The following PCDHGA3 variants were observed in gnomAD, a reference collection of about 807,000 sequenced individuals.
PCDHGA3 encodes the protein protocadherin gamma-A3.
Under a neutral mutation model 58.5 loss-of-function variants are expected in PCDHGA3, and 40 were observed. The observed-to-expected ratio is 0.68, with a 90% CI of 0.53 to 0.89. PCDHGA3 has a LOEUF of 0.89. Among genes scored for constraint, PCDHGA3 ranks in the 40% least tolerant of loss-of-function variants. PCDHGA3 has a pLI of 0.00. For missense variants in PCDHGA3, 1,223 were observed against 1,195.9 expected (o/e 1.02, Z -0.33); for synonymous variants, 530 against 525.7 (o/e 1.01, Z -0.11).
intron 1 of PCDHGA3, among the ~76,000 whole-genome samples, chr5:141,379,851 T>G (rs1388767497): frequency 6.7e-6 from 1 of 148,750 alleles, no homozygotes; most frequent in Non-Finnish European, 1.5e-5. Context: ...AACTACCAAA[T>G]TATTGTCTTA....
rs2099401367 is a variant in PCDHGA3 at position 141,476,906 on chromosome 5, G to C, written c.2425-17901G>C. ...GGATGCACCCTCCGGCACGCGCGTG[G>C]TACAAGTCCTTGCAACGGATCTGGA... is the stretch of plus-strand genomic sequence containing the variant. On this transcript the variant is annotated intron_variant, in intron 1 of 3. Coordinates refer to ENST00000253812, the MANE Select transcript of PCDHGA3 (RefSeq NM_018916.4). The surrounding 1 kb of genome is among the most constrained non-coding windows in gnomAD (Gnocchi z 7.6). 2 of 1,614,050 alleles carry C rather than the reference G, an allele frequency of 1.2e-6. No homozygotes were observed. The highest frequency in any genetic ancestry group is 1.7e-6 in the Non-Finnish European group (2 of 1,180,044).
intron 1 of PCDHGA3, chr5:141,424,031 T>G (rs2096796228): frequency 1.9e-6 from 2 of 1,036,050 alleles, no homozygotes; most frequent in African/African-American, 3.4e-5. Flanking sequence ...AAACACTTTT[T>G]ATTTCCATTT....
At chr5:141,398,611 A>G (rs2093677658) in intron 1 of PCDHGA3, 4 of 1,613,944 alleles carry the variant, frequency 2.5e-6, no homozygotes, top group African/African-American at 1.3e-5. Context: ...AGATGCAGAT[A>G]TTGGCTTAAA....
Position 141,487,845 on chromosome 5 carries a change from A to C in PCDHGA3, c.2425-6962A>C, listed in dbSNP as rs2099667978. ...GGGTCATGCCTATATCTGAGTAAGA[A>C]ATGAAAGTAATTGGTGATCAAGAGC... On this transcript the variant is annotated intron_variant, in intron 1 of 3. Coordinates refer to ENST00000253812, the MANE Select transcript of PCDHGA3 (RefSeq NM_018916.4). The surrounding 1 kb of genome is among the most constrained non-coding windows in gnomAD (Gnocchi z 5.0). 2.9e-6 allele frequency: 3 copies of C among 1,027,382 alleles called. No homozygotes were observed. Among genetic ancestry groups the C allele is most frequent in the Non-Finnish European group, 4.2e-6 (3 of 716,452 alleles). The allele number at this position is 1,027,382 out of a possible 1,614,324, so 63.6% of individuals were successfully genotyped here.
rs370704205 is a variant in PCDHGA3, at chr5:141,422,166, T to C, written c.2425-72641T>C. 4.5e-6 allele frequency: 7 copies of C among 1,569,374 alleles called. No individual in the cohort carries two copies. In the South Asian group the frequency reaches 8.5e-5, roughly 19 times the overall value. ...GGGGGTCTCTGGATTTTGAAAAATA[T>C]AGATTCTATGAGATGGAAATTCAAG... On this transcript the variant is annotated intron_variant, in intron 1 of 3. Coordinates refer to ENST00000253812, the MANE Select transcript of PCDHGA3 (RefSeq NM_018916.4).
chr5:141,440,671 T>C (rs2098194169), intron 1 of PCDHGA3: 1 of 152,210 alleles, frequency 6.6e-6, no homozygotes, highest in African/African-American at 2.4e-5. Context: ...CAACTCTATA[T>C]TTCTCTTTGA....
chr5:141,476,619 CTT>C lies in PCDHGA3; in HGVS notation c.2425-18186_2425-18185del. Reference sequence around the variant, plus strand: ...CACGATCCCGATGTGGGAAGCAACTCTTTACAAACCTATGAGCTGAGCCGAAA... The same window carrying C: ...CACGATCCCGATGTGGGAAGCAACTCTACAAACCTATGAGCTGAGCCGAAA... On this transcript the variant is annotated intron_variant, in intron 1 of 3. Transcript: ENST00000253812. This position sits in a 1 kb window ranked among gnomAD's most constrained non-coding sequence, Gnocchi z 7.6. The C allele has an allele frequency of 1.2e-6, 2 of 1,614,258 alleles. No homozygotes were observed. The highest frequency in any genetic ancestry group is 1.7e-6 in the Non-Finnish European group (2 of 1,180,052).
intron 1 of PCDHGA3, chr5:141,407,890 A>C (rs2094997846): frequency 2.5e-6 from 1 of 395,960 alleles, no homozygotes. Flanking sequence ...TCGGAGACCG[A>C]ATTCAAAATG....
At chr5:141,393,512 G>A in intron 1 of PCDHGA3, 1 of 1,613,996 alleles carries the variant, frequency 6.2e-7, no homozygotes, top group Non-Finnish European at 8.5e-7. Flanking sequence ...TGACAGTGTT[G>A]GATACAAATG....
rs771298166 is a variant in PCDHGA3 at position 141,345,041 on chromosome 5, G to T, written c.1008G>T (p.Thr336=). Residue 336 remains threonine, a synonymous_variant, in exon 1 of 4, where the codon ACG becomes ACT. Coordinates refer to ENST00000253812, the MANE Select transcript of PCDHGA3 (RefSeq NM_018916.4). ...TTTCAAGAGCCAAGATTCTAGTCAC[G>T]GTTCTGGATGTGAATGACAATGCTC... ...GLLSRAKILV[T]VLDVNDNAPE... 5.0e-6 allele frequency: 8 copies of T among 1,613,824 alleles called. No homozygotes were observed. The African/African-American group carries it at 6.7e-5, about 13-fold the overall frequency.
chr5:141,401,281 G>C (rs2094135967), intron 1 of PCDHGA3, among the ~76,000 whole-genome samples: 1 of 152,200 alleles, frequency 6.6e-6, no homozygotes, highest in Non-Finnish European at 1.5e-5. Context: ...GGTGGAGGTT[G>C]CGGTGAGCCG....
At chr5:141,397,543 G>A (rs547149193) in intron 1 of PCDHGA3, among the ~76,000 whole-genome samples, 17 of 152,282 alleles carry the variant, frequency 1.1e-4, no homozygotes, top group African/African-American at 3.8e-4. Flanking sequence ...TTTGAAATCA[G>A]TATAGTATGA....
chr5:141,388,135 T>C, intron 1 of PCDHGA3: 1 of 1,452,398 alleles, frequency 6.9e-7, no homozygotes, highest in Non-Finnish European at 9.5e-7. Flanking sequence ...AGCGGGGAGT[T>C]GCTTGTGAGC....
chr5:141,415,740 GTTTTTTTTTTTTTTT>G (rs57426385), intron 1 of PCDHGA3: 171 of 625,014 alleles, frequency 2.7e-4, no homozygotes, highest in East Asian at 8.8e-4. Flanking sequence ...GTTTATTAAG[GTTTTTTTTTTTTTTT>G]TTTTTTTTTT....
rs528806463 is a variant in PCDHGA3 at position 141,356,170 on chromosome 5, G to A, written c.2424+9713G>A. The A allele has an allele frequency of 6.8e-6, 11 of 1,612,922 alleles. No homozygotes were observed. The highest frequency in any genetic ancestry group is 8.5e-6 in the Non-Finnish European group (10 of 1,179,376). ...TGACATAGATGTAGAAGCCCATGAT[G>A]GGCCTGGTCTCCGAGCTAGAAGCAA... On this transcript the variant is annotated intron_variant, in intron 1 of 3. Transcript: ENST00000253812.
intron 1 of PCDHGA3, chr5:141,395,358 G>A: frequency 1.5e-6 from 2 of 1,346,158 alleles, no homozygotes; most frequent in Non-Finnish European, 9.9e-7. Context: ...ACAGAGTTTT[G>A]GGTTTATTTT....
At chr5:141,495,286 A>T (rs1341490472) in intron 2 of PCDHGA3, among the ~76,000 whole-genome samples, 2 of 152,088 alleles carry the variant, frequency 1.3e-5, no homozygotes, top group Non-Finnish European at 2.9e-5. Context: ...GGCGGTCCGC[A>T]CTCAGCGCCT....
At chr5:141,399,189 A>G (rs1015744299) in intron 1 of PCDHGA3, 11 of 1,613,970 alleles carry the variant, frequency 6.8e-6, no homozygotes, top group African/African-American at 1.3e-5. Context: ...TGATTCTGGA[A>G]AACGCGGTGC....
In PCDHGA3 at chr5:141,485,624, C is replaced by T; in HGVS notation, c.2425-9183C>T. 1 of 1,611,640 alleles carries T rather than the reference C, an allele frequency of 6.2e-7. No homozygotes were observed. The highest frequency in any genetic ancestry group is 1.1e-5 in the South Asian group (1 of 90,868). The stretch of plus-strand genomic sequence containing the variant: ...TGGGGAGGCAGCTCCTCCAGGACAG[C>T]GTTTCCCGTTGGAAAAGGCTCAGGA... On this transcript the variant is annotated intron_variant, in intron 1 of 3. Transcript: ENST00000253812. This position sits in a 1 kb window ranked among gnomAD's most constrained non-coding sequence, Gnocchi z 5.7.
Sources: allele counts gnomAD v4.1 joint callset (sites outside exome capture counted in the v4.1 genomes callset), GRCh38; gene constraint gnomAD v4.1.1; non-coding constraint Gnocchi (gnomAD v3.1); transcripts MANE v1.5; gene names NCBI Gene and HGNC (gene_info 2026-07-23, HGNC 2026-07-21).